TMTC2: variants seen among roughly 807,000 people sequenced by gnomAD.
The protein encoded by TMTC2 is transmembrane O-mannosyltransferase targeting cadherins 2.
Under a neutral mutation model 82.4 loss-of-function variants are expected in TMTC2, and 43 were observed. The ratio of observed to expected loss-of-function variants is 0.52; its 90% CI spans 0.41 to 0.67. TMTC2 has a LOEUF of 0.67. TMTC2 is among the 30% of genes least tolerant of loss of function. The probability of loss-of-function intolerance (pLI) is 0.00; values close to 1 mark genes in which losing one functional copy is unlikely to be tolerated. For synonymous variants in TMTC2, 408 were observed against 381.9 expected (o/e 1.07, Z -0.80); for missense variants, 919 against 1,012.4 (o/e 0.91, Z 1.25).
intron 11 of TMTC2, among the ~76,000 whole-genome samples, chr12:83,091,838 G>C (rs1883857968): frequency 6.6e-6 from 1 of 152,118 alleles, no homozygotes; most frequent in Non-Finnish European, 1.5e-5. Context: ...AATTCATATG[G>C]AATTTATTCT....
At chr12:82,799,221 G>A (rs140528988) in intron 1 of TMTC2, among the ~76,000 whole-genome samples, 90 of 152,246 alleles carry the variant, frequency 5.9e-4, no homozygotes, top group East Asian at 5.2e-3. Context: ...CTGCAGACCA[G>A]AGATTAGATT....
intron 1 of TMTC2, among the ~76,000 whole-genome samples, chr12:82,773,166 T>G (rs904664055): frequency 1.3e-5 from 2 of 152,202 alleles, no homozygotes; most frequent in African/African-American, 4.8e-5. Context: ...TTCTTCTCAC[T>G]GTTATTCCTG....
intron 2 of TMTC2, among the ~76,000 whole-genome samples, chr12:82,880,873 G>A (rs770469536): frequency 6.7e-6 from 1 of 149,554 alleles, no homozygotes; most frequent in Non-Finnish European, 1.5e-5. Context: ...TGTAAGTTCA[G>A]TTTATTTAAT....
At chr12:82,921,010 G>A (rs1183135040) in intron 3 of TMTC2, among the ~76,000 whole-genome samples, 1 of 151,848 alleles carries the variant, frequency 6.6e-6, no homozygotes, top group Non-Finnish European at 1.5e-5. Context: ...ATACTACTTG[G>A]CATTAATTTT....
At chr12:82,751,898 G>A (rs1026465231) in intron 1 of TMTC2, among the ~76,000 whole-genome samples, 1 of 152,130 alleles carries the variant, frequency 6.6e-6, no homozygotes, top group African/African-American at 2.4e-5. Flanking sequence ...TGAACAAAAT[G>A]CCAAAGTATT....
At chr12:83,030,602 C>T (rs1257052453) in intron 8 of TMTC2, among the ~76,000 whole-genome samples, 196 bp from the exon 9 acceptor site, 1 of 152,024 alleles carries the variant, frequency 6.6e-6, no homozygotes, top group Non-Finnish European at 1.5e-5. Flanking sequence ...TTCTTCATGC[C>T]TTCCAGGGTT....
At chr12:83,040,593 C>T (rs933185716) in intron 9 of TMTC2, among the ~76,000 whole-genome samples, 1 of 89,180 alleles carries the variant, frequency 1.1e-5, no homozygotes, top group Admixed American at 1.2e-4. Flanking sequence ...AGACAATAAC[C>T]AGAGTGGCCT....
chr12:82,821,748 C>T (rs1869126519), intron 1 of TMTC2, among the ~76,000 whole-genome samples: 2 of 151,974 alleles, frequency 1.3e-5, no homozygotes, highest in African/African-American at 4.8e-5. Context: ...GTAACACGTG[C>T]CTGTAATCCC....
At chr12:83,013,467 C>CT (rs1880547622) in intron 8 of TMTC2, among the ~76,000 whole-genome samples, 1 of 152,132 alleles carries the variant, frequency 6.6e-6, no homozygotes, top group Non-Finnish European at 1.5e-5. Flanking sequence ...CTTTTCTACT[C>CT]TTTCTTGCTT....
chr12:82,842,430 CT>C (rs148754474), intron 1 of TMTC2, among the ~76,000 whole-genome samples: 1,848 of 152,132 alleles, frequency 0.012, 37 homozygotes, highest in African/African-American at 0.042. Context: ...TCTTAAAACC[CT>C]ATTTACAATC....
At chr12:83,035,209 G>A (rs1881611076) in intron 9 of TMTC2, among the ~76,000 whole-genome samples, 1 of 152,172 alleles carries the variant, frequency 6.6e-6, no homozygotes, top group Non-Finnish European at 1.5e-5. Context: ...TGCAGCAATG[G>A]TGATTAGAAG....
At chr12:82,991,960 C>CT (rs1398577695) in intron 8 of TMTC2, among the ~76,000 whole-genome samples, 5 of 152,144 alleles carry the variant, frequency 3.3e-5, no homozygotes, top group Admixed American at 3.3e-4. Flanking sequence ...GTAAAAGTTA[C>CT]TTGGCTGTTA....
In TMTC2 at chr12:82,732,689, T is replaced by C. The variant is rs529760341; in HGVS notation, c.83+45020T>C. On this transcript the variant is annotated intron_variant, in intron 1 of 11. Transcript: ENST00000321196. ...TAAGGGAATGACTGAATATGGTAGC[T>C]ATAGAAAGACAGATGAGGACTAATT... Among the ~76,000 whole-genome samples the C allele has an allele frequency of 6.0e-4, 92 of 152,308 alleles. 1 individual carries two copies. The South Asian group carries it at 0.014, about 24-fold the overall frequency.
chr12:82,933,999 T>A (rs2137248801), intron 4 of TMTC2, among the ~76,000 whole-genome samples: 1 of 152,272 alleles, frequency 6.6e-6, no homozygotes, highest in African/African-American at 2.4e-5. Flanking sequence ...GATGGGATAA[T>A]TTTAATTTTT....
intron 1 of TMTC2, among the ~76,000 whole-genome samples, chr12:82,768,165 A>G (rs944370059): frequency 6.6e-5 from 10 of 152,314 alleles, no homozygotes; most frequent in African/African-American, 2.2e-4. Context: ...GAAAGATGCT[A>G]GAAGTTAGAA....
chr12:82,775,239 A>G (rs1480695269), intron 1 of TMTC2, among the ~76,000 whole-genome samples: 3 of 152,074 alleles, frequency 2.0e-5, no homozygotes, highest in Non-Finnish European at 2.9e-5. Context: ...GCTTGAGCCT[A>G]GGAGTTTGAG....
intron 1 of TMTC2, among the ~76,000 whole-genome samples, chr12:82,742,389 C>T (rs1292242574): frequency 6.6e-6 from 1 of 151,370 alleles, no homozygotes; most frequent in African/African-American, 2.4e-5. Flanking sequence ...TTGTCTACAA[C>T]ATTTACATTA....
intron 1 of TMTC2, among the ~76,000 whole-genome samples, chr12:82,795,112 G>A (rs960434730): frequency 6.6e-6 from 1 of 151,630 alleles, no homozygotes; most frequent in African/African-American, 2.4e-5. Context: ...CGAGACCAGC[G>A]TGGCCAACAT....
At chr12:83,096,886 C>T (rs1470885972) in intron 11 of TMTC2, among the ~76,000 whole-genome samples, 6 of 152,128 alleles carry the variant, frequency 3.9e-5, no homozygotes, top group South Asian at 2.1e-4. Context: ...CTAGGGAAGT[C>T]TTCCCTCAAT....
Sources: allele counts gnomAD v4.1 joint callset (sites outside exome capture counted in the v4.1 genomes callset), GRCh38; gene constraint gnomAD v4.1.1; transcripts MANE v1.5; gene names NCBI Gene and HGNC (gene_info 2026-07-23, HGNC 2026-07-21).